ZC3H14: variants seen among roughly 807,000 people sequenced by gnomAD.
ZC3H14 encodes zinc finger CCCH domain-containing protein 14.
ZC3H14 carries 31 observed loss-of-function variants against 92.4 expected under a neutral mutation model. The ratio of observed to expected loss-of-function variants is 0.34; its 90% confidence interval spans 0.25 to 0.45. The LOEUF (loss-of-function observed/expected upper bound fraction) is 0.45. Among genes scored for constraint, ZC3H14 ranks in the 20% least tolerant of loss-of-function variants. ZC3H14 has a pLI of 1.00. For missense variants in ZC3H14, 781 were observed against 897.3 expected, an observed-to-expected ratio of 0.87 and a Z score of 1.66; for synonymous variants, 321 against 300.9, an observed-to-expected ratio of 1.07 and a Z score of -0.69.
At chr14:88,595,064 G>C in intron 9 of ZC3H14, 1 of 1,613,224 alleles carries the variant, frequency 6.2e-7, no homozygotes, top group South Asian at 1.1e-5. Flanking sequence ...TCACAGTCAA[G>C]AACTACTGAT....
At chr14:88,577,844 C>T (rs769457844) in intron 8 of ZC3H14, 141 bp from the exon 9 acceptor site, 2 of 1,049,542 alleles carry the variant, frequency 1.9e-6, no homozygotes, top group Non-Finnish European at 2.9e-6. Context: ...GCTGAGATTA[C>T]AGGCATGAGC....
intron 3 of ZC3H14, among the ~76,000 whole-genome samples, chr14:88,568,571 A>G (rs1483044685): frequency 6.6e-6 from 1 of 152,066 alleles, no homozygotes; most frequent in Non-Finnish European, 1.5e-5. Context: ...ATCATGGGGG[A>G]AACCACCCCC....
chr14:88,579,040 CTTCTGT>C (rs951034959), intron 9 of ZC3H14, among the ~76,000 whole-genome samples: 2 of 151,806 alleles, frequency 1.3e-5, no homozygotes, highest in Admixed American at 6.6e-5. Flanking sequence ...ATTCTTTTTT[CTTCTGT>C]TTCTTTTTCT....
rs760190700 is a variant in ZC3H14 at position 88,625,169 on chromosome 14, T to C, written c.*13418T>C. On this transcript the variant is annotated 3_prime_UTR_variant, in exon 17 of 17. Transcript: ENST00000251038. Reference sequence around the variant, plus strand: ...GAGGGGGAGACAAACTCATCAAAAGTTCAAATAGAGTTTAAATAGATAATT... The same window carrying C: ...GAGGGGGAGACAAACTCATCAAAAGCTCAAATAGAGTTTAAATAGATAATT... 15 of 1,604,808 alleles carry C rather than the reference T, an allele frequency of 9.3e-6. No homozygotes were observed. Among genetic ancestry groups the C allele is most frequent in the Non-Finnish European group, 1.2e-5 (14 of 1,175,430 alleles).
In ZC3H14 at chr14:88,616,151, T is replaced by C. The variant is rs1388829713; in HGVS notation, c.*4400T>C. On this transcript the variant is annotated 3_prime_UTR_variant, in exon 17 of 17. Coordinates refer to ENST00000251038, the MANE Select transcript of ZC3H14 (RefSeq NM_024824.5). ...TGAGAAAGTTACTAACCTGCAGTCA[T>C]CACCTCCAGCACTAACAACATGTCG... The C allele has an allele frequency of 6.2e-7, 1 of 1,613,882 alleles. No individual in the cohort carries two copies. The highest frequency in any genetic ancestry group is 1.7e-5 in the Admixed American group (1 of 60,032).
At chr14:88,595,249 T>C in intron 9 of ZC3H14, 2 of 1,460,786 alleles carry the variant, frequency 1.4e-6, no homozygotes, top group Non-Finnish European at 1.8e-6. Flanking sequence ...AATGACAAAT[T>C]TGGATTCTGC....
At chr14:88,584,297 G>A (rs2082239906) in intron 9 of ZC3H14, among the ~76,000 whole-genome samples, 1 of 151,868 alleles carries the variant, frequency 6.6e-6, no homozygotes, top group Admixed American at 6.6e-5. Flanking sequence ...TTTGAGATGT[G>A]GCAATTTGAA....
In ZC3H14 at chr14:88,612,928, T is replaced by C. The variant is rs921278488; in HGVS notation, c.*1177T>C. 2 of 150,824 alleles carry C rather than the reference T, an allele frequency of 1.3e-5. No homozygotes were observed. Among genetic ancestry groups the C allele is most frequent in the African/African-American group, 4.9e-5 (2 of 40,822 alleles). The allele number at this position is 150,824 out of a possible 1,614,324, so 9.3% of individuals were successfully genotyped here. A position where few individuals can be genotyped will look rare whatever the true frequency, so the allele number is the denominator to read the frequency against. ...AAAGGTGGTTAGAAAAGTGGATTAA[T>C]GCAAAAGGGGTAATAAAGACTGCAA... On this transcript the variant is annotated 3_prime_UTR_variant, in exon 17 of 17. Coordinates refer to ENST00000251038, the MANE Select transcript of ZC3H14 (RefSeq NM_024824.5).
chr14:88,571,937 C>G, intron 4 of ZC3H14, 93 bp from the exon 5 acceptor site: 3 of 1,073,718 alleles, frequency 2.8e-6, no homozygotes, highest in Non-Finnish European at 3.8e-6. Flanking sequence ...GCCCTCCAGC[C>G]TGGCGACAGA....
At chr14:88,563,194 G>A (rs748912991) in intron 1 of ZC3H14, 25 bp downstream of exon 1, 14 of 1,600,686 alleles carry the variant, frequency 8.7e-6, no homozygotes, top group South Asian at 1.1e-5. Context: ...GGTCGGGGGT[G>A]GGAAGCCAGG....
chr14:88,602,605 G>A (rs1392891861), intron 11 of ZC3H14, among the ~76,000 whole-genome samples: 1 of 152,204 alleles, frequency 6.6e-6, no homozygotes, highest in East Asian at 1.9e-4. Context: ...TCCTTAGTAA[G>A]TACAGGCTGG....
Position 88,618,123 on chromosome 14 carries a change from ACT to A in ZC3H14, c.*6374_*6375del, listed in dbSNP as rs1157468851. 7 of 847,790 alleles carry A rather than the reference ACT, an allele frequency of 8.3e-6. No individual in the cohort carries two copies. Among genetic ancestry groups the A allele is most frequent in the Non-Finnish European group, 1.3e-5 (7 of 558,034 alleles). 52.5% of individuals were successfully genotyped at this position (847,790 alleles called of 1,614,324 possible). On this transcript the variant is annotated 3_prime_UTR_variant, in exon 17 of 17. Transcript: ENST00000251038. ...CAAAATATGGTAACAAAAACTTGAA[ACT>A]CAATTACTATTCCTTATTGGAATGG...
chr14:88,581,496 G>A (rs369892057), intron 9 of ZC3H14, among the ~76,000 whole-genome samples: 3 of 152,144 alleles, frequency 2.0e-5, no homozygotes, highest in African/African-American at 7.2e-5. Flanking sequence ...GGGAGGCGGA[G>A]GTTGCAGTGA....
In ZC3H14 at chr14:88,622,597, AT is replaced by A; in HGVS notation, c.*10847del. ...GCTGCACTGTATCAGCTCATGGAAC[AT>A]CTTACTTTGCCTCTGCACACAGAAC... On this transcript the variant is annotated 3_prime_UTR_variant, in exon 17 of 17. Transcript: ENST00000251038. The A allele has an allele frequency of 6.3e-7, 1 of 1,591,298 alleles. No individual in the cohort carries two copies. Among genetic ancestry groups the A allele is most frequent in the East Asian group, 2.3e-5 (1 of 43,968 alleles).
At chr14:88,581,569 A>G (rs1044296011) in intron 9 of ZC3H14, among the ~76,000 whole-genome samples, 5 of 152,136 alleles carry the variant, frequency 3.3e-5, no homozygotes, top group Admixed American at 3.3e-4. Context: ...TCAAGAAAAA[A>G]TAAAAATAAA....
intron 13 of ZC3H14, among the ~76,000 whole-genome samples, chr14:88,607,619 A>G (rs985429922): frequency 8.5e-6 from 1 of 116,982 alleles, no homozygotes; most frequent in Non-Finnish European, 1.7e-5. Context: ...CTACCATCCC[A>G]TCTCACCCTG....
intron 12 of ZC3H14, among the ~76,000 whole-genome samples, chr14:88,604,995 C>G (rs2085161498): frequency 6.6e-6 from 1 of 152,154 alleles, no homozygotes; most frequent in Non-Finnish European, 1.5e-5. Context: ...GGGGCATGAC[C>G]TTCGTATGAC....
intron 9 of ZC3H14, among the ~76,000 whole-genome samples, chr14:88,579,529 C>T (rs1023673614): frequency 1.3e-5 from 2 of 151,852 alleles, no homozygotes; most frequent in African/African-American, 4.8e-5. Flanking sequence ...CAGGACTCTA[C>T]GTGAGAGTCT....
At chr14:88,574,066 G>C (rs1313506161) in intron 6 of ZC3H14, among the ~76,000 whole-genome samples, 1 of 151,992 alleles carries the variant, frequency 6.6e-6, no homozygotes, top group African/African-American at 2.4e-5. Context: ...AAATTAATTT[G>C]GGGGGTTTCA....
Sources: gnomAD v4.1 joint callset for allele counts (sites outside exome capture counted in the v4.1 genomes callset) on GRCh38, gnomAD v4.1.1 for gene constraint, MANE v1.5 for transcripts, NCBI Gene and HGNC (gene_info 2026-07-23, HGNC 2026-07-21) for gene names.